Variants in PPFIA1 observed in about 807,000 individuals in gnomAD.
The protein encoded by PPFIA1 is liprin-alpha-1.
In PPFIA1, 25 loss-of-function variants were observed where a neutral mutation model predicts 149.9. That is an observed-to-expected ratio of 0.17 (90% CI 0.12 to 0.23). The LOEUF is 0.23. PPFIA1 is among the 10% of genes least tolerant of loss of function. PPFIA1 has a pLI of 1.00. For synonymous variants in PPFIA1, 549 were observed against 552.8 expected, an observed-to-expected ratio of 0.99 and a Z score of 0.10; for missense variants, 1,362 against 1,506.5, an observed-to-expected ratio of 0.90 and a Z score of 1.59.
At chr11:70,357,587 A>AT (rs879479086) in intron 19 of PPFIA1, among the ~76,000 whole-genome samples, 6,890 of 142,432 alleles carry the variant, frequency 0.048, 573 homozygotes, top group African/African-American at 0.17. Flanking sequence ...CTGTGTAAGA[A>AT]TTTTTTTTTT....
At chr11:70,341,820 T>C (rs534347240) in intron 14 of PPFIA1, 3 of 152,228 alleles carry the variant, frequency 2.0e-5, no homozygotes, top group African/African-American at 4.8e-5. Flanking sequence ...CTGGGTAGAG[T>C]GCTCAGGGAA....
intron 2 of PPFIA1, among the ~76,000 whole-genome samples, chr11:70,313,891 G>C (rs183613410): frequency 6.6e-6 from 1 of 152,180 alleles, no homozygotes; most frequent in African/African-American, 2.4e-5. Context: ...GGTGGCGCAT[G>C]CCTGTGGTCC....
chr11:70,273,942 G>A (rs1311803499), intron 2 of PPFIA1, among the ~76,000 whole-genome samples: 5 of 152,202 alleles, frequency 3.3e-5, no homozygotes, highest in Non-Finnish European at 7.3e-5. Flanking sequence ...GAAGTGACAG[G>A]AGTTTTGTAC....
At chr11:70,280,545 G>C (rs534884353) in intron 2 of PPFIA1, among the ~76,000 whole-genome samples, 1 of 152,218 alleles carries the variant, frequency 6.6e-6, no homozygotes, top group South Asian at 2.1e-4. Flanking sequence ...CTCCAGCCTG[G>C]GTGGCAAGAG....
At chr11:70,281,809 C>T (rs1231394628) in intron 2 of PPFIA1, among the ~76,000 whole-genome samples, 1 of 152,224 alleles carries the variant, frequency 6.6e-6, no homozygotes, top group Non-Finnish European at 1.5e-5. Flanking sequence ...TTGTGGCTGC[C>T]TTGGCATCTC....
At chr11:70,288,081 T>C (rs2051271403) in intron 2 of PPFIA1, among the ~76,000 whole-genome samples, 1 of 151,638 alleles carries the variant, frequency 6.6e-6, no homozygotes, top group African/African-American at 2.4e-5. Context: ...TTTTTTTTTT[T>C]TTTTCTTTTT....
At chr11:70,339,383 A>G in intron 14 of PPFIA1, 77 bp downstream of exon 14, 1 of 1,521,544 alleles carries the variant, frequency 6.6e-7, no homozygotes, top group East Asian at 2.3e-5. Flanking sequence ...CTACTTTGGG[A>G]TAAAAATGTT....
At chr11:70,352,240 C>T (rs1360920705) in intron 16 of PPFIA1, among the ~76,000 whole-genome samples, 1 of 152,078 alleles carries the variant, frequency 6.6e-6, no homozygotes, top group Admixed American at 6.6e-5. Flanking sequence ...TCTGTTTGTA[C>T]CTTGGTTTAC....
intron 9 of PPFIA1, chr11:70,333,098 T>C (rs1156388780): frequency 2.1e-6 from 1 of 467,286 alleles, no homozygotes; most frequent in Non-Finnish European, 4.3e-6. Context: ...CTTAGGAAGG[T>C]AGAATGGGTG....
chr11:70,337,436 A>G lies in PPFIA1; in HGVS notation c.1491+9A>G, dbSNP rs377597010. ...AAACACAACACGATAAGGTACTGAA[A>G]TCTTCTCTAAATCCATGAAGAGCCA... On this transcript the variant is annotated intron_variant, in intron 12 of 27. Transcript: ENST00000253925. The G allele has an allele frequency of 1.3e-6, 2 of 1,575,562 alleles. No individual in the cohort carries two copies. Among genetic ancestry groups the G allele is most frequent in the Non-Finnish European group, 1.7e-6 (2 of 1,156,588 alleles).
intron 2 of PPFIA1, among the ~76,000 whole-genome samples, chr11:70,315,955 A>T (rs2053598510): frequency 6.6e-6 from 1 of 151,962 alleles, no homozygotes; most frequent in South Asian, 2.1e-4. Context: ...TAGAGACCTC[A>T]TATAAGTGGA....
At chr11:70,375,898 T>C (rs1403462448) in intron 24 of PPFIA1, among the ~76,000 whole-genome samples, 1 of 152,102 alleles carries the variant, frequency 6.6e-6, no homozygotes, top group Admixed American at 6.6e-5. Context: ...CATGGATCCC[T>C]TTCTGCAAAA....
At chr11:70,352,537 CG>C (rs1020501030) in intron 16 of PPFIA1, among the ~76,000 whole-genome samples, 1 of 151,998 alleles carries the variant, frequency 6.6e-6, no homozygotes, top group African/African-American at 2.4e-5. Context: ...GCCTAGGCCT[CG>C]GGTGGTTGTG....
intron 2 of PPFIA1, among the ~76,000 whole-genome samples, chr11:70,279,903 G>GTGTGTGTGTGTGTGTGTGT (rs1328899566): frequency 1.0e-5 from 1 of 99,974 alleles, no homozygotes; most frequent in African/African-American, 7.1e-5. Flanking sequence ...TGTGTGTGGG[G>GTGTGTGTGTGTGTGTGTGT]GATGTGTGTG....
At chr11:70,375,832 G>A (rs1053087723) in intron 24 of PPFIA1, among the ~76,000 whole-genome samples, 3 of 151,424 alleles carry the variant, frequency 2.0e-5, no homozygotes, top group Admixed American at 1.3e-4. Context: ...AATATCTTTG[G>A]CCAATACCCC....
intron 15 of PPFIA1, among the ~76,000 whole-genome samples, chr11:70,344,815 G>T (rs2055585469): frequency 6.6e-6 from 1 of 152,220 alleles, no homozygotes; most frequent in African/African-American, 2.4e-5. Flanking sequence ...CTGGTAGTGT[G>T]TGTGTGTTGA....
At chr11:70,333,339 A>G in intron 9 of PPFIA1, 131 bp from the exon 10 acceptor site, 1 of 724,688 alleles carries the variant, frequency 1.4e-6, no homozygotes, top group Non-Finnish European at 2.5e-6. Flanking sequence ...ATGGATGAGT[A>G]CATGCTTTCC....
chr11:70,370,865 C>T (rs184430499), intron 21 of PPFIA1, among the ~76,000 whole-genome samples: 227 of 152,242 alleles, frequency 1.5e-3, no homozygotes, highest in African/African-American at 5.2e-3. Context: ...AGCAGTGGCT[C>T]ACGCCTGTAA....
intron 2 of PPFIA1, among the ~76,000 whole-genome samples, chr11:70,316,662 G>C (rs1262315890): frequency 6.6e-6 from 1 of 152,182 alleles, no homozygotes; most frequent in African/African-American, 2.4e-5. Context: ...GGGATGATGG[G>C]AAGAGGGCCC....
Sources: gnomAD v4.1 joint callset for allele counts (sites outside exome capture counted in the v4.1 genomes callset) on GRCh38, gnomAD v4.1.1 for gene constraint, MANE v1.5 for transcripts, NCBI Gene and HGNC (gene_info 2026-07-23, HGNC 2026-07-21) for gene names.